FRMD4A: variants seen among roughly 807,000 people sequenced by gnomAD.
FRMD4A encodes FERM domain-containing protein 4A.
Under a neutral mutation model 129.1 loss-of-function variants are expected in FRMD4A, and 29 were observed. That is an observed-to-expected ratio of 0.22 (90% CI 0.17 to 0.31). FRMD4A has a LOEUF of 0.31. Among genes scored for constraint, FRMD4A ranks in the 10% least tolerant of loss-of-function variants. The probability of loss-of-function intolerance (pLI) is 1.00; values close to 1 mark genes in which losing one functional copy is unlikely to be tolerated. For missense variants in FRMD4A, 1,272 were observed against 1,375.8 expected (o/e 0.92, Z 1.19); for synonymous variants, 634 against 571.6 (o/e 1.11, Z -1.56).
At chr10:13,929,687 A>G (rs1048297461) in intron 2 of FRMD4A, among the ~76,000 whole-genome samples, 3 of 152,230 alleles carry the variant, frequency 2.0e-5, no homozygotes, top group African/African-American at 7.2e-5. Context: ...ATTCCCGAAT[A>G]TTAACTTAGG....
chr10:14,100,540 C>T (rs765935184), intron 2 of FRMD4A, among the ~76,000 whole-genome samples: 8 of 152,050 alleles, frequency 5.3e-5, no homozygotes, highest in Non-Finnish European at 7.4e-5. Flanking sequence ...AAATGAAAGA[C>T]GTCAACCTTT....
chr10:14,055,730 C>T (rs548846134), intron 2 of FRMD4A, among the ~76,000 whole-genome samples: 13 of 152,238 alleles, frequency 8.5e-5, no homozygotes, highest in African/African-American at 1.4e-4. Context: ...TATATATTTA[C>T]GGGGTACATG....
intron 2 of FRMD4A, among the ~76,000 whole-genome samples, chr10:14,135,393 A>G (rs1232618434): frequency 6.6e-6 from 1 of 152,214 alleles, no homozygotes; most frequent in Non-Finnish European, 1.5e-5. Flanking sequence ...CCATCCTGTA[A>G]CCAATCCAGC....
chr10:14,035,429 C>CAAAAAAAAA (rs11289297), intron 2 of FRMD4A, among the ~76,000 whole-genome samples: 1 of 127,030 alleles, frequency 7.9e-6, no homozygotes. Context: ...AACAAATAAA[C>CAAAAAAAAA]AAAAAAAAAA....
In FRMD4A at chr10:14,001,093, A is replaced by G. The variant is rs149805462; in HGVS notation, c.46-142181T>C. On this transcript the variant is annotated intron_variant, in intron 2 of 24. Coordinates refer to ENST00000357447, the MANE Select transcript of FRMD4A (RefSeq NM_018027.5). The stretch of plus-strand genomic sequence containing the variant: ...AACTAGCTGGTTTCCTTATGCTAGC[A>G]TCTTGCCCAAATCATCGATCTTGGT... 2.1e-3 allele frequency among the ~76,000 whole-genome samples: 313 copies of G among 152,326 alleles called. 2 individuals are homozygous for G. The highest frequency in any genetic ancestry group is 7.2e-3 in the African/African-American group (298 of 41,574).
chr10:14,085,509 G>A (rs978462693), intron 2 of FRMD4A, among the ~76,000 whole-genome samples: 1 of 152,200 alleles, frequency 6.6e-6, no homozygotes, highest in African/African-American at 2.4e-5. Context: ...TTTGCAGGGA[G>A]GACGCATTCT....
At chr10:13,766,416 G>A (rs2130719173) in intron 6 of FRMD4A, among the ~76,000 whole-genome samples, 1 of 152,316 alleles carries the variant, frequency 6.6e-6, no homozygotes, top group Non-Finnish European at 1.5e-5. Flanking sequence ...TGGCCAGTGG[G>A]AGGGAAAATG....
intron 12 of FRMD4A, among the ~76,000 whole-genome samples, chr10:13,712,491 G>A (rs1474001075): frequency 6.6e-6 from 1 of 151,428 alleles, no homozygotes; most frequent in African/African-American, 2.4e-5. Flanking sequence ...TCCAGCCTGG[G>A]CAACACAGTG....
At chr10:13,928,315 T>A (rs890802956) in intron 2 of FRMD4A, among the ~76,000 whole-genome samples, 4 of 148,214 alleles carry the variant, frequency 2.7e-5, no homozygotes, top group African/African-American at 9.9e-5. Context: ...ACTTAACATA[T>A]CTTTAGCTGG....
At chr10:13,749,792 CAGCTTGGGCAACAT>C (rs2091479147) in intron 8 of FRMD4A, among the ~76,000 whole-genome samples, 1 of 151,858 alleles carries the variant, frequency 6.6e-6, no homozygotes, top group African/African-American at 2.4e-5. Context: ...AGCTCAAGAT[CAGCTTGGGCAACAT>C]AGTGGGATCC....
Position 13,934,146 on chromosome 10 carries a change from G to C in FRMD4A, c.46-75234C>G, listed in dbSNP as rs370587341. Among the ~76,000 whole-genome samples the C allele has an allele frequency of 2.0e-5, 3 of 152,304 alleles. No homozygotes were observed. In the East Asian group the frequency reaches 5.8e-4, roughly 29 times the overall value. ...ACACATTGACTATGACAGCATTAAG[G>C]GTGGTGAGGAACATAGAAGGAGCCT... On this transcript the variant is annotated intron_variant, in intron 2 of 24. Coordinates refer to ENST00000357447, the MANE Select transcript of FRMD4A (RefSeq NM_018027.5).
At chr10:13,805,635 A>T (rs1453004422) in intron 4 of FRMD4A, among the ~76,000 whole-genome samples, 1 of 152,178 alleles carries the variant, frequency 6.6e-6, no homozygotes, top group African/African-American at 2.4e-5. Context: ...AGCTTCTGAT[A>T]ACGGGATCTT....
At chr10:14,131,862 C>T (rs964715750) in intron 2 of FRMD4A, among the ~76,000 whole-genome samples, 1 of 152,170 alleles carries the variant, frequency 6.6e-6, no homozygotes, top group South Asian at 2.1e-4. Flanking sequence ...TATAATCACA[C>T]AAGGACCTCT....
intron 2 of FRMD4A, among the ~76,000 whole-genome samples, chr10:13,943,508 C>T (rs544541794): frequency 3.5e-4 from 53 of 150,968 alleles, no homozygotes; most frequent in African/African-American, 1.3e-3. Context: ...ATTAGCTGGG[C>T]GTGGTGGCAC....
intron 2 of FRMD4A, among the ~76,000 whole-genome samples, chr10:14,232,821 G>T (rs1216911970): frequency 6.6e-6 from 1 of 152,146 alleles, no homozygotes; most frequent in Non-Finnish European, 1.5e-5. Flanking sequence ...AAAAGCCTTT[G>T]GGCAGAGACT....
chr10:13,884,176 TCACACACACACACACA>T lies in FRMD4A; in HGVS notation c.46-25280_46-25265del, dbSNP rs1368255816. Among the ~76,000 whole-genome samples, 4 of 31,104 alleles carry T rather than the reference TCACACACACACACACA, an allele frequency of 1.3e-4. No homozygotes were observed. The East Asian group carries it at 2.6e-3, about 20-fold the overall frequency. 20.4% of individuals were successfully genotyped at this position (31,104 alleles called of 152,430 possible). A position where few individuals can be genotyped will look rare whatever the true frequency, so the allele number is the denominator to read the frequency against. On this transcript the variant is annotated intron_variant, in intron 2 of 24. Transcript: ENST00000357447. ...CACTCTCACACACACACTCACACAC[TCACACACACACACACA>T]CACTCACACACACACTCACACACAC...
intron 13 of FRMD4A, among the ~76,000 whole-genome samples, chr10:13,706,758 A>T (rs1185308549): frequency 2.7e-5 from 4 of 150,014 alleles, no homozygotes; most frequent in Non-Finnish European, 5.9e-5. Flanking sequence ...TGACACACAC[A>T]CACACACACA....
At chr10:13,879,909 T>C (rs2094528872) in intron 2 of FRMD4A, among the ~76,000 whole-genome samples, 1 of 151,760 alleles carries the variant, frequency 6.6e-6, no homozygotes, top group Admixed American at 6.6e-5. Context: ...GCCTCCCAAG[T>C]TGCTGGGATT....
chr10:14,098,951 T>C (rs1302356200), intron 2 of FRMD4A, among the ~76,000 whole-genome samples: 6 of 152,226 alleles, frequency 3.9e-5, no homozygotes, highest in Non-Finnish European at 7.3e-5. Context: ...TTGGACTACC[T>C]GTGTAGCTTT....
Sources: allele counts gnomAD v4.1 joint callset (sites outside exome capture counted in the v4.1 genomes callset), GRCh38; gene constraint gnomAD v4.1.1; transcripts MANE v1.5; gene names NCBI Gene and HGNC (gene_info 2026-07-23, HGNC 2026-07-21).